SLC49A4: variants seen among roughly 807,000 people sequenced by gnomAD.
SLC49A4 encodes disrupted in renal cancer protein 2.
A neutral mutation model predicts 50.6 loss-of-function variants in SLC49A4; 36 were observed. The observed-to-expected ratio is 0.71, with a 90% confidence interval of 0.55 to 0.94. The LOEUF is 0.94. Among genes scored for constraint, SLC49A4 ranks in the 40% least tolerant of loss-of-function variants. The pLI, the probability that SLC49A4 is intolerant of heterozygous loss-of-function variation, is 0.00. For missense variants in SLC49A4, 503 were observed against 605.7 expected (o/e 0.83, Z 1.78); for synonymous variants, 248 against 241.2 (o/e 1.03, Z -0.26).
At position 122,880,679 on chromosome 3, in the gene SLC49A4, G is replaced by A. The variant is rs2107587298; in HGVS notation, c.*1301G>A. The A allele has an allele frequency of 6.6e-6, 1 of 152,312 alleles. No individual in the cohort carries two copies. 9.4% of individuals were successfully genotyped at this position (152,312 alleles called of 1,614,324 possible). On this transcript the variant is annotated 3_prime_UTR_variant, in exon 9 of 9. Coordinates refer to ENST00000261038, the MANE Select transcript of SLC49A4 (RefSeq NM_032839.3). Reference sequence around the variant, plus strand: ...ACTTGAAATTGAACCTTCATTGTCAGCTAAGTATATATACTTTTGTGTTTT... The same window carrying A: ...ACTTGAAATTGAACCTTCATTGTCAACTAAGTATATATACTTTTGTGTTTT...
At chr3:122,868,352 A>G (rs1458569299) in intron 7 of SLC49A4, among the ~76,000 whole-genome samples, 11 of 152,232 alleles carry the variant, frequency 7.2e-5, no homozygotes, top group African/African-American at 2.7e-4. Flanking sequence ...CTGCATCAGC[A>G]CTTCAGTTGT....
chr3:122,850,154 G>C (rs1022849538), intron 5 of SLC49A4, among the ~76,000 whole-genome samples: 4 of 152,082 alleles, frequency 2.6e-5, no homozygotes, highest in Non-Finnish European at 5.9e-5. Context: ...CATCAGAATC[G>C]TCTATTTCAG....
Position 122,860,112 on chromosome 3 carries a change from C to T in SLC49A4, c.1048C>T (p.Leu350Phe), listed in dbSNP as rs182047053. The T allele has an allele frequency of 1.2e-6, 2 of 1,612,428 alleles. No homozygotes were observed. Among genetic ancestry groups the T allele is most frequent in the Non-Finnish European group, 8.5e-7 (1 of 1,179,270 alleles). ...DFIRGMLKLI[L>F]LLLFSGATLS... Reference sequence around the variant, plus strand: ...TATCAGGGGTATGCTGAAACTAATTCTTCTCCTCCTGTTTTCGGGAGCTAC... The same window carrying T: ...TATCAGGGGTATGCTGAAACTAATTTTTCTCCTCCTGTTTTCGGGAGCTAC... Residue 350 changes from leucine to phenylalanine, a missense_variant, in exon 7 of 9, where the codon CTT (leucine) becomes TTT (phenylalanine). By Grantham distance (22) the Leu-to-Phe change is conservative. Transcript: ENST00000261038.
At chr3:122,797,432 A>C (rs960352673) in intron 1 of SLC49A4, among the ~76,000 whole-genome samples, 2 of 152,242 alleles carry the variant, frequency 1.3e-5, no homozygotes, top group Non-Finnish European at 2.9e-5. Context: ...GAGGAATTCG[A>C]CTTATGTGTT....
intron 2 of SLC49A4, 116 bp downstream of exon 2, chr3:122,807,066 G>A (rs142874105): frequency 1.8e-5 from 10 of 566,980 alleles, no homozygotes; most frequent in Non-Finnish European, 6.1e-6. Flanking sequence ...TACTCTATAT[G>A]ATGATTAATT....
intron 5 of SLC49A4, among the ~76,000 whole-genome samples, chr3:122,855,025 G>A (rs1243674975): frequency 2.6e-5 from 4 of 151,914 alleles, no homozygotes; most frequent in East Asian, 3.9e-4. Context: ...CCCGGGAGGC[G>A]GAGCTTACAG....
chr3:122,860,123 G>A lies in SLC49A4; in HGVS notation c.1059G>A (p.Leu353=), dbSNP rs762829085. Residue 353 remains leucine, a synonymous_variant, in exon 7 of 9, where the codon CTG becomes CTA. Coordinates refer to ENST00000261038, the MANE Select transcript of SLC49A4 (RefSeq NM_032839.3). The part of the protein sequence containing the change: ...RGMLKLILLL[L]FSGATLSSTW... The stretch of plus-strand genomic sequence containing the variant: ...TGCTGAAACTAATTCTTCTCCTCCT[G>A]TTTTCGGGAGCTACACTGTCATCCA... 9 of 1,613,112 alleles carry A rather than the reference G, an allele frequency of 5.6e-6. No individual in the cohort carries two copies. The highest frequency in any genetic ancestry group is 7.6e-6 in the Non-Finnish European group (9 of 1,179,528).
chr3:122,839,404 A>C (rs1489722566), intron 4 of SLC49A4, among the ~76,000 whole-genome samples: 1 of 152,132 alleles, frequency 6.6e-6, no homozygotes, highest in Non-Finnish European at 1.5e-5. Context: ...CTAATTAAAC[A>C]AAAAGTTTCT....
At chr3:122,847,603 C>T (rs1283964674) in intron 5 of SLC49A4, among the ~76,000 whole-genome samples, 4 of 151,928 alleles carry the variant, frequency 2.6e-5, no homozygotes, top group Admixed American at 2.6e-4. Flanking sequence ...CCTAAGCCTC[C>T]CAAAGTGCTG....
intron 2 of SLC49A4, among the ~76,000 whole-genome samples, chr3:122,825,548 C>T (rs79175404): frequency 0.036 from 5,410 of 151,882 alleles, 129 homozygotes; most frequent in Middle Eastern, 0.088. Context: ...TCTGTTTCTA[C>T]ATTAGGGCCC....
chr3:122,803,952 T>A (rs1316544429), intron 1 of SLC49A4, among the ~76,000 whole-genome samples: 3 of 152,232 alleles, frequency 2.0e-5, no homozygotes, highest in African/African-American at 7.2e-5. Flanking sequence ...ACTGTTGTAA[T>A]CACTTGGGGT....
At chr3:122,849,385 T>A (rs576329953) in intron 5 of SLC49A4, among the ~76,000 whole-genome samples, 1 of 152,322 alleles carries the variant, frequency 6.6e-6, no homozygotes, top group East Asian at 1.9e-4. Context: ...TATTTTTCGT[T>A]TTCTACGGAA....
At chr3:122,801,677 G>A (rs2107554757) in intron 1 of SLC49A4, among the ~76,000 whole-genome samples, 1 of 152,350 alleles carries the variant, frequency 6.6e-6, no homozygotes, top group East Asian at 1.9e-4. Context: ...ATGGATGGCA[G>A]AGGTAGGGAA....
At chr3:122,815,516 A>G (rs952748866) in intron 2 of SLC49A4, among the ~76,000 whole-genome samples, 10 of 152,242 alleles carry the variant, frequency 6.6e-5, no homozygotes, top group Admixed American at 6.5e-5. Flanking sequence ...ATGCCATACC[A>G]AAACAAAGAA....
intron 7 of SLC49A4, among the ~76,000 whole-genome samples, chr3:122,866,048 T>C (rs1021580358): frequency 6.6e-6 from 1 of 152,128 alleles, no homozygotes; most frequent in Non-Finnish European, 1.5e-5. Flanking sequence ...TTTGTTTTTC[T>C]TCTGAAACAG....
chr3:122,872,467 G>T lies in SLC49A4; in HGVS notation c.1191G>T (p.Val397=). 1 of 1,613,954 alleles carries T rather than the reference G, an allele frequency of 6.2e-7. No individual in the cohort carries two copies. Among genetic ancestry groups the T allele is most frequent in the Non-Finnish European group, 8.5e-7 (1 of 1,179,936 alleles). The change falls in exon 8 of 9, where the codon GTG becomes GTT. Residue 397 remains valine (V), a synonymous_variant. Transcript: ENST00000261038. The stretch of plus-strand genomic sequence containing the variant: ...TGGGAGTGTTCTTGAATAGCAGCGT[G>T]CCTATATTTTTTGAGCTTTTTGTGG... ...ILLGVFLNSS[V]PIFFELFVET...
intron 7 of SLC49A4, among the ~76,000 whole-genome samples, chr3:122,870,710 G>A (rs997282790): frequency 3.3e-5 from 5 of 151,616 alleles, no homozygotes; most frequent in African/African-American, 9.7e-5. Flanking sequence ...ATGCTCAGGA[G>A]GCTGAGGCAG....
intron 3 of SLC49A4, among the ~76,000 whole-genome samples, chr3:122,831,753 G>A (rs183430344): frequency 2.4e-4 from 37 of 152,224 alleles, no homozygotes; most frequent in African/African-American, 4.8e-5. Context: ...TGTATGTCAT[G>A]TGAATTATAT....
At chr3:122,868,138 C>A (rs74280589) in intron 7 of SLC49A4, among the ~76,000 whole-genome samples, 1 of 151,784 alleles carries the variant, frequency 6.6e-6, no homozygotes, top group East Asian at 1.9e-4. Context: ...AAAGTATTCA[C>A]ACATAGTTTT....
Sources: allele counts gnomAD v4.1 joint callset (sites outside exome capture counted in the v4.1 genomes callset), GRCh38; gene constraint gnomAD v4.1.1; transcripts MANE v1.5; gene names NCBI Gene and HGNC (gene_info 2026-07-23, HGNC 2026-07-21).